Variants in RUNX1T1 observed in about 807,000 individuals in gnomAD.
The protein encoded by RUNX1T1 is protein CBFA2T1.
Under a neutral mutation model 62.8 loss-of-function variants are expected in RUNX1T1, and 4 were observed. That is an observed-to-expected ratio of 0.06 (90% CI 0.03 to 0.15). RUNX1T1 has a LOEUF of 0.15. Among genes scored for constraint, RUNX1T1 ranks in the 10% least tolerant of loss-of-function variants. The pLI, the probability that RUNX1T1 is intolerant of heterozygous loss-of-function variation, is 1.00. For synonymous variants in RUNX1T1, 291 were observed against 286.0 expected, an observed-to-expected ratio of 1.02 and a Z score of -0.18; for missense variants, 508 against 754.3, an observed-to-expected ratio of 0.67 and a Z score of 3.82.
chr8:92,077,170 T>G (rs1208676558), intron 1 of RUNX1T1, among the ~76,000 whole-genome samples: 1 of 152,134 alleles, frequency 6.6e-6, no homozygotes, highest in East Asian at 1.9e-4. Flanking sequence ...TCTTTTGTGA[T>G]GCAATCAGTT....
At chr8:92,053,921 T>C (rs899800272) in intron 1 of RUNX1T1, among the ~76,000 whole-genome samples, 1 of 152,134 alleles carries the variant, frequency 6.6e-6, no homozygotes, top group South Asian at 2.1e-4. Context: ...GTTTAAAATG[T>C]CTATTTTAAA....
At chr8:92,016,403 G>A (rs1823003242) in intron 2 of RUNX1T1, among the ~76,000 whole-genome samples, 1 of 152,198 alleles carries the variant, frequency 6.6e-6, no homozygotes, top group Admixed American at 6.5e-5. Context: ...ACGACCGGGT[G>A]CGGTGGCTCA....
chr8:92,030,542 C>T (rs563088683), intron 1 of RUNX1T1, among the ~76,000 whole-genome samples: 134 of 152,288 alleles, frequency 8.8e-4, no homozygotes, highest in African/African-American at 2.9e-3. Flanking sequence ...TAACAACTGA[C>T]GATAATAATG....
At chr8:92,043,145 T>G (rs1190581961) in intron 1 of RUNX1T1, among the ~76,000 whole-genome samples, 1 of 152,212 alleles carries the variant, frequency 6.6e-6, no homozygotes, top group Non-Finnish European at 1.5e-5. Context: ...AATTTCAATC[T>G]ATACATATTT....
intron 2 of RUNX1T1, chr8:92,071,255 T>C (rs1431251437): frequency 2.6e-5 from 4 of 152,174 alleles, no homozygotes; most frequent in African/African-American, 4.8e-5. Context: ...TCTATTTTCA[T>C]GGGCAGATGA....
chr8:92,039,417 C>G (rs1828027047), intron 1 of RUNX1T1, among the ~76,000 whole-genome samples: 1 of 152,146 alleles, frequency 6.6e-6, no homozygotes, highest in African/African-American at 2.4e-5. Flanking sequence ...CTGACTCTCT[C>G]AAAACCTCCA....
At chr8:92,077,454 AC>A (rs1834594891) in intron 1 of RUNX1T1, among the ~76,000 whole-genome samples, 1 of 152,094 alleles carries the variant, frequency 6.6e-6, no homozygotes, top group Admixed American at 6.6e-5. Context: ...GAGGGTGCAC[AC>A]AGCGGGGAAG....
intron 1 of RUNX1T1, among the ~76,000 whole-genome samples, chr8:92,032,662 C>T (rs748823628): frequency 1.3e-5 from 2 of 152,146 alleles, no homozygotes; most frequent in Non-Finnish European, 2.9e-5. Context: ...ATTCTGTAAA[C>T]CCAGTGCTCT....
Position 91,988,079 on chromosome 8 carries a change from T to C in RUNX1T1, c.911-1107A>G, listed in dbSNP as rs189564728. ...AACTTATGTAAGAATTAAATGACCA[T>C]AGGAGTTATAAGACACTGAATTTTA... is the stretch of plus-strand genomic sequence containing the variant. On this transcript the variant is annotated intron_variant, in intron 6 of 10. Transcript: ENST00000396218. 3.3e-5 allele frequency among the ~76,000 whole-genome samples: 5 copies of C among 152,242 alleles called. No individual in the cohort carries two copies. In the East Asian group the frequency reaches 5.8e-4, roughly 18 times the overall value.
At chr8:92,089,917 C>A (rs1296751363) in intron 1 of RUNX1T1, among the ~76,000 whole-genome samples, 1 of 136,742 alleles carries the variant, frequency 7.3e-6, no homozygotes, top group East Asian at 2.3e-4. Context: ...CACCCCAATC[C>A]CTGAATTTAA....
At chr8:92,044,571 T>C (rs1829053017) in intron 1 of RUNX1T1, among the ~76,000 whole-genome samples, 1 of 152,224 alleles carries the variant, frequency 6.6e-6, no homozygotes, top group African/African-American at 2.4e-5. Context: ...CGGGACTCTA[T>C]TCTACTTCAC....
intron 3 of RUNX1T1, among the ~76,000 whole-genome samples, chr8:92,012,292 C>T (rs1822102608): frequency 1.3e-5 from 2 of 152,248 alleles, no homozygotes; most frequent in East Asian, 1.9e-4. Flanking sequence ...CCTGTAATCC[C>T]AGTAGCTTTG....
upstream of RUNX1T1, among the ~76,000 whole-genome samples, chr8:92,101,644 G>T (rs915066167): frequency 1.3e-5 from 2 of 152,188 alleles, no homozygotes; most frequent in African/African-American, 2.4e-5. Context: ...TTGGGGGAGA[G>T]GGGGAGGGAA....
chr8:91,986,580 C>T (rs1170605126), intron 7 of RUNX1T1, among the ~76,000 whole-genome samples: 1 of 152,084 alleles, frequency 6.6e-6, no homozygotes, highest in Admixed American at 6.5e-5. Context: ...GCCAGTAAAT[C>T]CACCTCTCCA....
intron 10 of RUNX1T1, among the ~76,000 whole-genome samples, chr8:91,965,049 C>T (rs1372033816): frequency 1.3e-5 from 2 of 152,150 alleles, no homozygotes; most frequent in Non-Finnish European, 1.5e-5. Context: ...GCAGGTACTA[C>T]CACCACTCCC....
intron 5 of RUNX1T1, chr8:92,003,365 G>A (rs1262809367): frequency 2.2e-6 from 1 of 456,230 alleles, no homozygotes; most frequent in Admixed American, 2.3e-5. Flanking sequence ...CTGGGAAAGA[G>A]CTGGTGGGAA....
rs978451816 is a variant in RUNX1T1, at chr8:92,062,522, G to A, written c.7+24C>T. ...GCTTTCTTCATTGGAAAAACAGAGA[G>A]AACACAGAACAGGGCTAACTCACCA... On this transcript the variant is annotated intron_variant, in intron 1 of 10. Coordinates refer to ENST00000396218, the Ensembl canonical transcript of RUNX1T1. The A allele has an allele frequency of 5.6e-6, 9 of 1,611,684 alleles. No homozygotes were observed. The African/African-American group carries it at 8.0e-5, about 14-fold the overall frequency.
intron 1 of RUNX1T1, among the ~76,000 whole-genome samples, chr8:92,029,264 A>C (rs1200539882): frequency 1.3e-5 from 2 of 152,222 alleles, no homozygotes; most frequent in Non-Finnish European, 2.9e-5. Context: ...AGGCAGCCAA[A>C]TGAGATGTTC....
intron 1 of RUNX1T1, among the ~76,000 whole-genome samples, chr8:92,031,157 C>G (rs1587147463): frequency 1.3e-5 from 2 of 152,208 alleles, no homozygotes. Flanking sequence ...AATTCCACTT[C>G]TAAATAACCT....
Sources: allele counts gnomAD v4.1 joint callset (sites outside exome capture counted in the v4.1 genomes callset), GRCh38; gene constraint gnomAD v4.1.1; transcripts MANE v1.5; gene names NCBI Gene and HGNC (gene_info 2026-07-23, HGNC 2026-07-21).